CNTN4: variants seen among roughly 807,000 people sequenced by gnomAD.
CNTN4 encodes contactin-4.
CNTN4 carries 77 observed loss-of-function variants against 122.5 expected under a neutral mutation model. The ratio of observed to expected loss-of-function variants is 0.63; its 90% confidence interval spans 0.52 to 0.76. The LOEUF (loss-of-function observed/expected upper bound fraction) is 0.76, where lower values mean the gene tolerates loss of function less well. Among genes scored for constraint, CNTN4 ranks in the 30% least tolerant of loss-of-function variants. The pLI is 0.00. For synonymous variants in CNTN4, 512 were observed against 447.0 expected (o/e 1.15, Z -1.83); for missense variants, 1,256 against 1,259.1 (o/e 1.00, Z 0.04).
At chr3:2,376,607 C>G (rs2045825591) in intron 3 of CNTN4, among the ~76,000 whole-genome samples, 1 of 147,996 alleles carries the variant, frequency 6.8e-6, no homozygotes, top group African/African-American at 2.5e-5. Context: ...TTAGGTCTTT[C>G]TACCTTGAGG....
chr3:2,510,514 A>G (rs770074455), intron 3 of CNTN4, among the ~76,000 whole-genome samples: 14 of 152,132 alleles, frequency 9.2e-5, no homozygotes, highest in Non-Finnish European at 1.9e-4. Context: ...TGGACTTTAA[A>G]TGATCACACG....
chr3:2,696,972 G>A (rs182136776), intron 4 of CNTN4, among the ~76,000 whole-genome samples: 2 of 152,150 alleles, frequency 1.3e-5, no homozygotes, highest in African/African-American at 4.8e-5. Flanking sequence ...AGGAACGGAA[G>A]GTTGCGAATT....
chr3:2,302,536 A>G (rs982511231), intron 2 of CNTN4, among the ~76,000 whole-genome samples: 11 of 152,238 alleles, frequency 7.2e-5, no homozygotes, highest in Non-Finnish European at 1.5e-4. Flanking sequence ...ACTGGTATAT[A>G]TTAACTAAAG....
chr3:2,536,106 G>T (rs1206407889), intron 3 of CNTN4, among the ~76,000 whole-genome samples: 1 of 152,114 alleles, frequency 6.6e-6, no homozygotes, highest in Non-Finnish European at 1.5e-5. Flanking sequence ...TTAGAGAACT[G>T]TCCACAGGAC....
chr3:2,173,650 C>T (rs1050428045), intron 2 of CNTN4, among the ~76,000 whole-genome samples: 7 of 152,018 alleles, frequency 4.6e-5, no homozygotes, highest in Admixed American at 1.3e-4. Context: ...GAAAATCTTT[C>T]GGATGTTCGA....
At chr3:2,235,466 T>A (rs1426479413) in intron 2 of CNTN4, among the ~76,000 whole-genome samples, 2 of 152,166 alleles carry the variant, frequency 1.3e-5, no homozygotes, top group Admixed American at 1.3e-4. Flanking sequence ...TATCTTTTTA[T>A]TTTCCTCCCC....
At chr3:2,155,910 G>A (rs1018992476) in intron 2 of CNTN4, among the ~76,000 whole-genome samples, 12 of 152,156 alleles carry the variant, frequency 7.9e-5, no homozygotes, top group African/African-American at 2.9e-4. Flanking sequence ...GGATTCCCTG[G>A]ACTGTGTTGT....
chr3:2,605,967 G>A (rs1395846065), intron 4 of CNTN4, among the ~76,000 whole-genome samples: 2 of 152,212 alleles, frequency 1.3e-5, no homozygotes, highest in East Asian at 1.9e-4. Flanking sequence ...CGTTGGACAG[G>A]CAAGGCCTTG....
rs145160464 is a variant in CNTN4, at chr3:2,667,809, T to C, written c.56-68406T>C. ...GGATCCAGTTTCAGCTTTCTACATA[T>C]GGCTGGCCATTTTTCCTAGCACCAT... On this transcript the variant is annotated intron_variant, in intron 4 of 24. Transcript: ENST00000418658. 5.1e-4 allele frequency among the ~76,000 whole-genome samples: 78 copies of C among 151,854 alleles called. No individual in the cohort carries two copies. The South Asian group carries it at 8.4e-3, about 16-fold the overall frequency.
At chr3:2,102,154 A>T (rs1231660662) in intron 2 of CNTN4, among the ~76,000 whole-genome samples, 1 of 152,242 alleles carries the variant, frequency 6.6e-6, no homozygotes, top group Non-Finnish European at 1.5e-5. Context: ...CTAAGTACCA[A>T]TGGTCAGGAA....
intron 2 of CNTN4, among the ~76,000 whole-genome samples, chr3:2,150,991 C>T (rs2035470770): frequency 6.6e-6 from 1 of 152,060 alleles, no homozygotes; most frequent in Non-Finnish European, 1.5e-5. Context: ...GTTGAGGATA[C>T]AGGGATGAGC....
At chr3:2,686,417 A>AC (rs1362779742) in intron 4 of CNTN4, among the ~76,000 whole-genome samples, 1 of 151,768 alleles carries the variant, frequency 6.6e-6, no homozygotes, top group African/African-American at 2.4e-5. Flanking sequence ...CCCGACACAC[A>AC]CCCCATCTCC....
chr3:2,485,076 G>A (rs139237879), intron 3 of CNTN4, among the ~76,000 whole-genome samples: 1,860 of 152,328 alleles, frequency 0.012, 30 homozygotes, highest in South Asian at 0.07. Context: ...AGGGTGCGCC[G>A]GGTCCCCCAG....
intron 3 of CNTN4, among the ~76,000 whole-genome samples, chr3:2,405,222 G>C (rs1443528789): frequency 2.0e-5 from 3 of 152,134 alleles, no homozygotes; most frequent in African/African-American, 7.2e-5. Context: ...CCTAGCTCTT[G>C]GTCAGTATGG....
chr3:2,640,287 G>A (rs1040191472), intron 4 of CNTN4, among the ~76,000 whole-genome samples: 2 of 152,164 alleles, frequency 1.3e-5, no homozygotes, highest in Non-Finnish European at 2.9e-5. Flanking sequence ...TGAAACAACA[G>A]ATCAAAAACT....
At chr3:2,682,179 C>A (rs1450695670) in intron 4 of CNTN4, among the ~76,000 whole-genome samples, 1 of 152,136 alleles carries the variant, frequency 6.6e-6, no homozygotes, top group Non-Finnish European at 1.5e-5. Context: ...ACTGAGAATT[C>A]TAGAATATAT....
At chr3:2,543,805 C>T (rs1174818883) in intron 3 of CNTN4, among the ~76,000 whole-genome samples, 1 of 152,052 alleles carries the variant, frequency 6.6e-6, no homozygotes, top group Non-Finnish European at 1.5e-5. Context: ...TTATATTATA[C>T]ATTGAGTATT....
At chr3:2,651,266 G>GA (rs2083346340) in intron 4 of CNTN4, among the ~76,000 whole-genome samples, 1 of 152,006 alleles carries the variant, frequency 6.6e-6, no homozygotes, top group African/African-American at 2.4e-5. Flanking sequence ...AAGCAGGGTA[G>GA]AAAAAAATAT....
At chr3:2,415,943 C>T (rs1189697204) in intron 3 of CNTN4, among the ~76,000 whole-genome samples, 1 of 152,066 alleles carries the variant, frequency 6.6e-6, no homozygotes, top group East Asian at 1.9e-4. Context: ...TTACTGTGCT[C>T]TAATACTCTT....
Sources: allele counts gnomAD v4.1 joint callset (sites outside exome capture counted in the v4.1 genomes callset), GRCh38; gene constraint gnomAD v4.1.1; transcripts MANE v1.5; gene names NCBI Gene and HGNC (gene_info 2026-07-23, HGNC 2026-07-21).